Variants in SYT14 observed in about 807,000 individuals in gnomAD.
SYT14 encodes the protein synaptotagmin 14.
In SYT14, 32 loss-of-function variants were observed where a neutral mutation model predicts 74.2. The observed-to-expected ratio is 0.43, with a 90% CI of 0.33 to 0.58. The LOEUF is 0.58. Among genes scored for constraint, SYT14 ranks in the 20% least tolerant of loss-of-function variants. The pLI, the probability that SYT14 is intolerant of heterozygous loss-of-function variation, is 0.05. For missense variants in SYT14, 791 were observed against 981.8 expected (o/e 0.81, Z 2.60); for synonymous variants, 298 against 337.7 (o/e 0.88, Z 1.29).
At chr1:210,021,699 G>A (rs896848132) in intron 5 of SYT14, among the ~76,000 whole-genome samples, 8 of 152,176 alleles carry the variant, frequency 5.3e-5, no homozygotes, top group Admixed American at 4.6e-4. Context: ...GTTGCACATG[G>A]CAGACAGCGG....
chr1:209,982,113 A>G (rs2079498075), intron 2 of SYT14, among the ~76,000 whole-genome samples: 1 of 151,864 alleles, frequency 6.6e-6, no homozygotes, highest in Non-Finnish European at 1.5e-5. Context: ...AGGTTTGGTT[A>G]CTTTACATAG....
intron 5 of SYT14, among the ~76,000 whole-genome samples, chr1:210,028,492 C>CT (rs1383305352): frequency 6.6e-6 from 1 of 152,084 alleles, no homozygotes; most frequent in Non-Finnish European, 1.5e-5. Context: ...TTTAACTACT[C>CT]TAAGTACCTC....
At chr1:209,967,070 G>T (rs2079168473) in intron 2 of SYT14, among the ~76,000 whole-genome samples, 1 of 152,110 alleles carries the variant, frequency 6.6e-6, no homozygotes, top group African/African-American at 2.4e-5. Context: ...TGCTTTTTCT[G>T]TATCTACTGA....
chr1:210,160,232 TTCTTG>T (rs2083345869), intron 9 of SYT14, among the ~76,000 whole-genome samples: 1 of 152,208 alleles, frequency 6.6e-6, no homozygotes, highest in Non-Finnish European at 1.5e-5. Flanking sequence ...CATCTTTGCA[TTCTTG>T]TCTTCCTCTT....
chr1:209,975,888 G>A (rs1482846633), intron 2 of SYT14, among the ~76,000 whole-genome samples: 15 of 152,100 alleles, frequency 9.9e-5, no homozygotes, highest in African/African-American at 2.9e-4. Flanking sequence ...AGAGCCAGTT[G>A]TTGGTCTATT....
intron 2 of SYT14, among the ~76,000 whole-genome samples, chr1:209,975,325 A>G (rs1325673663): frequency 1.3e-5 from 2 of 152,204 alleles, no homozygotes; most frequent in East Asian, 3.9e-4. Flanking sequence ...CCCATTCAGT[A>G]TGATACTGGC....
intron 2 of SYT14, among the ~76,000 whole-genome samples, chr1:209,955,054 C>G (rs1412994793): frequency 6.6e-6 from 1 of 152,142 alleles, no homozygotes; most frequent in African/African-American, 2.4e-5. Context: ...GTCTCTTTTG[C>G]TAGCCTCTCT....
At chr1:210,030,526 A>C (rs1174927330) in intron 5 of SYT14, among the ~76,000 whole-genome samples, 2 of 152,138 alleles carry the variant, frequency 1.3e-5, no homozygotes, top group Admixed American at 6.6e-5. Flanking sequence ...AAGATCATAT[A>C]ATCTGTGAGC....
At chr1:209,989,247 A>G (rs1290927486) in intron 2 of SYT14, among the ~76,000 whole-genome samples, 3 of 152,144 alleles carry the variant, frequency 2.0e-5, no homozygotes, top group Non-Finnish European at 4.4e-5. Context: ...TTTGGTATTT[A>G]AATAGACTAT....
chr1:210,142,008 C>T (rs1260314249), intron 7 of SYT14, among the ~76,000 whole-genome samples: 1 of 152,192 alleles, frequency 6.6e-6, no homozygotes. Context: ...CCATGTTAAA[C>T]ACTTGCCACT....
At chr1:210,076,821 T>C (rs2081509954) in intron 5 of SYT14, among the ~76,000 whole-genome samples, 1 of 152,124 alleles carries the variant, frequency 6.6e-6, no homozygotes, top group Non-Finnish European at 1.5e-5. Flanking sequence ...CCAAGGGGAA[T>C]GTGCCAACTC....
chr1:210,037,736 G>A (rs1274181535), intron 5 of SYT14, among the ~76,000 whole-genome samples: 1 of 151,772 alleles, frequency 6.6e-6, no homozygotes, highest in Admixed American at 6.6e-5. Flanking sequence ...CCATATATTT[G>A]TATAGTTTTG....
chr1:209,982,623 G>A (rs2079506180), intron 2 of SYT14, among the ~76,000 whole-genome samples: 1 of 152,146 alleles, frequency 6.6e-6, no homozygotes, highest in Admixed American at 6.5e-5. Context: ...TTGCTTCCAA[G>A]TTTTGGCAAT....
At chr1:210,115,362 G>T (rs1417863714) in intron 7 of SYT14, among the ~76,000 whole-genome samples, 1 of 150,872 alleles carries the variant, frequency 6.6e-6, no homozygotes, top group Admixed American at 6.6e-5. Flanking sequence ...GGGTTGGGGG[G>T]TGCTTGCCCC....
intron 5 of SYT14, among the ~76,000 whole-genome samples, chr1:210,034,669 T>G (rs1433631367): frequency 6.6e-6 from 1 of 151,846 alleles, no homozygotes; most frequent in Admixed American, 6.6e-5. Flanking sequence ...GTTTCTATTA[T>G]TACACTCTCT....
chr1:210,021,283 A>G (rs554271384), intron 5 of SYT14, 29 bp downstream of exon 4: 6 of 1,573,064 alleles, frequency 3.8e-6, no homozygotes, highest in Admixed American at 1.7e-5. Flanking sequence ...TTTTTTTTAC[A>G]TGACACACTA....
Position 210,087,701 on chromosome 1 carries a change from AC to A in SYT14, c.1313-6620del, listed in dbSNP as rs547768417. Among the ~76,000 whole-genome samples the A allele has an allele frequency of 3.0e-4, 46 of 152,222 alleles. No homozygotes were observed. In the South Asian group the frequency reaches 5.0e-3, roughly 16 times the overall value. ...TTCTCACCTGCCCTTGGGTTCTGACACTGCATGTTTGATTGACTCCACTCCC... is the reference window on the plus strand; with the variant it reads ...TTCTCACCTGCCCTTGGGTTCTGACATGCATGTTTGATTGACTCCACTCCC... On this transcript the variant is annotated intron_variant, in intron 5 of 9. Transcript: ENST00000637265.
intron 5 of SYT14, among the ~76,000 whole-genome samples, chr1:210,075,480 G>A (rs1188436588): frequency 2.0e-5 from 3 of 151,816 alleles, no homozygotes; most frequent in Non-Finnish European, 4.4e-5. Context: ...GATTACAGGT[G>A]CGTGCCACCA....
chr1:210,079,530 C>T (rs72743413), intron 5 of SYT14, among the ~76,000 whole-genome samples: 4 of 152,168 alleles, frequency 2.6e-5, no homozygotes, highest in Non-Finnish European at 2.9e-5. Context: ...CTCATTTGGG[C>T]GTGACATTGT....
Sources: allele counts gnomAD v4.1 joint callset (sites outside exome capture counted in the v4.1 genomes callset), GRCh38; gene constraint gnomAD v4.1.1; transcripts MANE v1.5; gene names NCBI Gene and HGNC (gene_info 2026-07-23, HGNC 2026-07-21).